Variants in ITGB5 observed in about 807,000 individuals in gnomAD.
ITGB5 encodes integrin beta-5.
ITGB5 carries 38 observed loss-of-function variants against 84.8 expected under a neutral mutation model. The observed-to-expected ratio is 0.45, with a 90% CI of 0.35 to 0.59. The LOEUF (loss-of-function observed/expected upper bound fraction) is 0.59. Among genes scored for constraint, ITGB5 ranks in the 20% least tolerant of loss-of-function variants. ITGB5 has a pLI of 0.01. For missense variants in ITGB5, 905 were observed against 1,034.5 expected (o/e 0.87, Z 1.72); for synonymous variants, 393 against 414.4 (o/e 0.95, Z 0.63).
At chr3:124,764,017 G>T (rs1056778924) in intron 14 of ITGB5, among the ~76,000 whole-genome samples, 1 of 152,250 alleles carries the variant, frequency 6.6e-6, no homozygotes, top group South Asian at 2.1e-4. Flanking sequence ...ACTGCGCTCA[G>T]TCCTCTGGGC....
At chr3:124,891,890 G>GCTTGGGGGACAGTGAGGCCCTGTCT (rs1935008210), upstream of ITGB5, among the ~76,000 whole-genome samples, 1 of 151,820 alleles carries the variant, frequency 6.6e-6, no homozygotes, top group East Asian at 1.9e-4. Context: ...CTGCACTCCA[G>GCTTGGGGGACAGTGAGGCCCTGTCT]CTTGGGGGAC....
chr3:124,863,669 C>T (rs2065338389), intron 2 of ITGB5, among the ~76,000 whole-genome samples: 1 of 152,196 alleles, frequency 6.6e-6, no homozygotes, highest in Non-Finnish European at 1.5e-5. Context: ...CAAGCATGTG[C>T]TACTATGCCT....
chr3:124,799,655 C>T (rs2064286792), intron 9 of ITGB5, among the ~76,000 whole-genome samples: 1 of 151,930 alleles, frequency 6.6e-6, no homozygotes, highest in South Asian at 2.1e-4. Context: ...CCACAAGCAT[C>T]TCTTTTAAAT....
intron 8 of ITGB5, among the ~76,000 whole-genome samples, chr3:124,813,908 G>T (rs1417102505): frequency 6.6e-6 from 1 of 152,052 alleles, no homozygotes; most frequent in South Asian, 2.1e-4. Context: ...CACATGGCTG[G>T]TTCCCCTGGC....
chr3:124,861,648 G>A (rs1226558761), intron 2 of ITGB5, among the ~76,000 whole-genome samples: 1 of 148,512 alleles, frequency 6.7e-6, no homozygotes, highest in African/African-American at 2.5e-5. Context: ...TGCAACCTCC[G>A]ACTCCCTGGT....
At position 124,873,096 on chromosome 3, in the gene ITGB5, T is replaced by A. The variant is rs541623516; in HGVS notation, c.156+350A>T. 3.3e-4 allele frequency among the ~76,000 whole-genome samples: 51 copies of A among 152,352 alleles called. No individual in the cohort carries two copies. The South Asian group carries it at 4.8e-3, about 14-fold the overall frequency. On this transcript the variant is annotated intron_variant, in intron 2 of 14. Coordinates refer to ENST00000296181, the MANE Select transcript of ITGB5 (RefSeq NM_002213.5). ...ACATGCCAGCCATCTAGATATGTTT[T>A]GAATCATTATGCAACAAACTCAATT...
chr3:124,883,237 G>T (rs1182545277), intron 1 of ITGB5, among the ~76,000 whole-genome samples: 1 of 152,154 alleles, frequency 6.6e-6, no homozygotes, highest in East Asian at 1.9e-4. Flanking sequence ...AGAAAAAGTA[G>T]TTACCAGGCC....
At chr3:124,854,041 A>G (rs753596142) in intron 3 of ITGB5, among the ~76,000 whole-genome samples, 6 of 152,098 alleles carry the variant, frequency 3.9e-5, no homozygotes, top group Non-Finnish European at 7.4e-5. Flanking sequence ...TTTCTTAAGG[A>G]TTTTATGCTC....
intron 1 of ITGB5, among the ~76,000 whole-genome samples, chr3:124,895,169 G>A (rs116441083): frequency 0.024 from 3,677 of 152,288 alleles, 159 homozygotes; most frequent in African/African-American, 0.084. Context: ...CCAGTACATG[G>A]GAACACTCTT....
intron 1 of ITGB5, among the ~76,000 whole-genome samples, chr3:124,898,193 T>A (rs187021945): frequency 1.4e-5 from 2 of 146,824 alleles, no homozygotes; most frequent in Non-Finnish European, 1.5e-5. Flanking sequence ...TGTCCAAATA[T>A]CTATTTGTAT....
At chr3:124,789,393 C>T (rs144544916) in intron 10 of ITGB5, among the ~76,000 whole-genome samples, 31,047 of 136,970 alleles carry the variant, frequency 0.23, 2,235 homozygotes, top group African/African-American at 0.33. Flanking sequence ...AGAACCGCCT[C>T]TGACTAGACA....
At chr3:124,843,783 A>G (rs2065041355) in intron 4 of ITGB5, among the ~76,000 whole-genome samples, 1 of 152,178 alleles carries the variant, frequency 6.6e-6, no homozygotes, top group Admixed American at 6.6e-5. Flanking sequence ...TACCCCTCTC[A>G]TGTGTCTGTG....
chr3:124,898,661 A>G (rs1253439926), intron 1 of ITGB5, among the ~76,000 whole-genome samples: 2 of 148,744 alleles, frequency 1.3e-5, no homozygotes, highest in Admixed American at 6.7e-5. Context: ...AAAAAAAAAA[A>G]AAAAAAAAAG....
At chr3:124,895,692 G>A (rs147515216) in intron 1 of ITGB5, among the ~76,000 whole-genome samples, 23 of 152,270 alleles carry the variant, frequency 1.5e-4, no homozygotes, top group African/African-American at 5.3e-4. Flanking sequence ...CAAGGACCAG[G>A]TACACAAGAA....
intron 11 of ITGB5, among the ~76,000 whole-genome samples, chr3:124,771,049 A>G (rs2063835709): frequency 6.6e-6 from 1 of 152,184 alleles, no homozygotes; most frequent in Non-Finnish European, 1.5e-5. Context: ...CTAAGTATCC[A>G]TGTGGACATA....
rs188601309 is a variant in ITGB5, at chr3:124,869,659, C to A, written c.156+3787G>T. Reference sequence around the variant, plus strand: ...ACACCCATGTCCTGGGGAAAAGTCACCCCCAAAGAAGATGGGAAGCTGCAT... The same window carrying A: ...ACACCCATGTCCTGGGGAAAAGTCAACCCCAAAGAAGATGGGAAGCTGCAT... On this transcript the variant is annotated intron_variant, in intron 2 of 14. Coordinates refer to ENST00000296181, the MANE Select transcript of ITGB5 (RefSeq NM_002213.5). 5.9e-5 allele frequency among the ~76,000 whole-genome samples: 9 copies of A among 152,288 alleles called. No individual in the cohort carries two copies. In the East Asian group the frequency reaches 1.3e-3, roughly 23 times the overall value.
At chr3:124,837,432 A>G (rs1409763157) in intron 5 of ITGB5, among the ~76,000 whole-genome samples, 1 of 152,184 alleles carries the variant, frequency 6.6e-6, no homozygotes, top group Non-Finnish European at 1.5e-5. Flanking sequence ...TCCAACTCCA[A>G]CCCAGCCAGG....
rs947688092 is a variant in ITGB5, at chr3:124,807,897, G to A, written c.1263+1125C>T. Among the ~76,000 whole-genome samples, 10 of 130,062 alleles carry A rather than the reference G, an allele frequency of 7.7e-5. No homozygotes were observed. In the Admixed American group the frequency reaches 8.3e-4, roughly 11 times the overall value. 85.3% of individuals were successfully genotyped at this position (130,062 alleles called of 152,430 possible). A position where few individuals can be genotyped will look rare whatever the true frequency, so the allele number is the denominator to read the frequency against. ...GCAGAGCTTGCAGTGAGCCGAGATC[G>A]TGCCACTGCACTCCAGCCTGGGCGA... On this transcript the variant is annotated intron_variant, in intron 9 of 14. Transcript: ENST00000296181.
intron 2 of ITGB5, among the ~76,000 whole-genome samples, chr3:124,871,253 G>A (rs1013136538): frequency 6.6e-6 from 1 of 151,750 alleles, no homozygotes; most frequent in Non-Finnish European, 1.5e-5. Flanking sequence ...GGAGTGCAAT[G>A]GCCTGATCTC....
Sources: allele counts gnomAD v4.1 joint callset (sites outside exome capture counted in the v4.1 genomes callset), GRCh38; gene constraint gnomAD v4.1.1; transcripts MANE v1.5; gene names NCBI Gene and HGNC (gene_info 2026-07-23, HGNC 2026-07-21).